Variants in NAV1 observed in about 807,000 individuals in gnomAD.
NAV1 encodes the protein pore membrane and/or filament interacting like protein 3.
A neutral mutation model predicts 175.2 loss-of-function variants in NAV1; 18 were observed. The ratio of observed to expected loss-of-function variants is 0.10; its 90% CI spans 0.07 to 0.15. NAV1 has a LOEUF of 0.15. Among genes scored for constraint, NAV1 ranks in the 10% least tolerant of loss-of-function variants. The pLI, the probability that NAV1 is intolerant of heterozygous loss-of-function variation, is 1.00. For synonymous variants in NAV1, 897 were observed against 978.7 expected, an observed-to-expected ratio of 0.92 and a Z score of 1.56; for missense variants, 1,731 against 2,436.6, an observed-to-expected ratio of 0.71 and a Z score of 6.10.
intron 1 of NAV1, among the ~76,000 whole-genome samples, chr1:201,549,539 G>A (rs1362322619): frequency 1.3e-5 from 2 of 152,204 alleles, no homozygotes; most frequent in Admixed American, 6.5e-5. Flanking sequence ...GAGGTGAGCA[G>A]GACAAAAGGC....
At chr1:201,615,715 T>A (rs569251241) in intron 2 of NAV1, among the ~76,000 whole-genome samples, 2 of 152,248 alleles carry the variant, frequency 1.3e-5, no homozygotes, top group Non-Finnish European at 2.9e-5. Flanking sequence ...TAAAGCCACA[T>A]AGCAGGAAGT....
intron 3 of NAV1, among the ~76,000 whole-genome samples, chr1:201,744,016 C>A (rs1006568086): frequency 2.6e-5 from 4 of 152,126 alleles, no homozygotes; most frequent in African/African-American, 9.7e-5. Flanking sequence ...TCCCGAGTAG[C>A]TGGGATTGCA....
chr1:201,826,145 C>G (rs1373547619), exon 30 of NAV1: 1 of 152,172 alleles, frequency 6.6e-6, no homozygotes, highest in Non-Finnish European at 1.5e-5. Context: ...AGTAACAGGT[C>G]TCCTGCGCCC....
chr1:201,816,901 T>C (rs543236576), intron 28 of NAV1, 187 bp from the exon 33 acceptor site: 26 of 590,474 alleles, frequency 4.4e-5, no homozygotes, highest in Non-Finnish European at 6.6e-5. Flanking sequence ...CTTGAACTTC[T>C]GACCTCAAGT....
chr1:201,811,385 A>G (rs899665300), intron 24 of NAV1, among the ~76,000 whole-genome samples: 1 of 152,046 alleles, frequency 6.6e-6, no homozygotes, highest in African/African-American at 2.4e-5. Flanking sequence ...ATGTTCCCCA[A>G]CTTTGGGGAA....
Position 201,812,559 on chromosome 1 carries a change from G to C in NAV1, c.5119G>C (p.Ala1707Pro). ...GGTAGAGTCAGACAGCGACATCAAT[G>C]CCAACAAGGAAGAGCTGCTTCGGGT... Residue 1707 changes from alanine (A) to proline (P), a missense_variant, in exon 27 of 30, where the codon GCC becomes CCC. Ala to Pro is a conservative substitution (Grantham distance 27). Around this residue, in one of 13 missense-constraint regions of NAV1, gnomAD observed 115 missense variants for 269.4 expected, o/e 0.43. Transcript: ENST00000367296. This position sits in a 1 kb window ranked among gnomAD's most constrained non-coding sequence, Gnocchi z 4.6. 1 of 1,614,176 alleles carries C rather than the reference G, an allele frequency of 6.2e-7. No individual in the cohort carries two copies. Among genetic ancestry groups the C allele is most frequent in the Non-Finnish European group, 8.5e-7 (1 of 1,180,026 alleles).
intron 3 of NAV1, among the ~76,000 whole-genome samples, chr1:201,754,362 C>T (rs969360201): frequency 6.6e-6 from 1 of 152,116 alleles, no homozygotes; most frequent in Non-Finnish European, 1.5e-5. Context: ...TAAGCAGGAA[C>T]AGAAAGAGAA....
At chr1:201,557,672 C>G (rs1666069945) in intron 1 of NAV1, among the ~76,000 whole-genome samples, 2 of 152,240 alleles carry the variant, frequency 1.3e-5, no homozygotes, top group Admixed American at 1.3e-4. Context: ...TTGCCCACAC[C>G]ACTTAGGCTA....
chr1:201,643,307 T>TTTTCTTTC (rs371103162), upstream of NAV1, among the ~76,000 whole-genome samples: 1 of 147,620 alleles, frequency 6.8e-6, no homozygotes, highest in African/African-American at 2.5e-5. Flanking sequence ...TTCTCTTTCT[T>TTTTCTTTC]TTTCTTTCTT....
intron 3 of NAV1, among the ~76,000 whole-genome samples, chr1:201,732,120 T>C (rs1478850913): frequency 2.0e-5 from 3 of 151,814 alleles, no homozygotes; most frequent in Non-Finnish European, 4.4e-5. Context: ...TTTTTTTTTT[T>C]CTTCCCCTGA....
intron 1 of NAV1, among the ~76,000 whole-genome samples, chr1:201,672,088 C>G (rs556296994): frequency 1.1e-4 from 16 of 152,186 alleles, no homozygotes; most frequent in Non-Finnish European, 1.9e-4. Flanking sequence ...CAAGAACTCA[C>G]TCACACTGAG....
chr1:201,802,124 G>T (rs1227155641), intron 15 of NAV1, among the ~76,000 whole-genome samples: 1 of 52,358 alleles, frequency 1.9e-5, no homozygotes, highest in Non-Finnish European at 5.7e-5. Context: ...GCGACAGAGC[G>T]AGACTCCGTC....
At chr1:201,556,395 G>A (rs1328558614) in intron 1 of NAV1, among the ~76,000 whole-genome samples, 4 of 151,766 alleles carry the variant, frequency 2.6e-5, no homozygotes, top group Non-Finnish European at 5.9e-5. Context: ...TCCAGCCTGG[G>A]GGACAGAGGA....
At chr1:201,552,743 C>G (rs1252738294) in intron 1 of NAV1, among the ~76,000 whole-genome samples, 1 of 152,146 alleles carries the variant, frequency 6.6e-6, no homozygotes, top group Non-Finnish European at 1.5e-5. Context: ...TAAAATAAAT[C>G]CTTGATCCAC....
chr1:201,819,310 A>G (rs142120434), intron 29 of NAV1, among the ~76,000 whole-genome samples: 3 of 152,280 alleles, frequency 2.0e-5, no homozygotes, highest in Non-Finnish European at 2.9e-5. Flanking sequence ...TGTCCCTTGT[A>G]TAGCAGGCAT....
At chr1:201,563,401 AACTGGGCCCAGAGAAAAGCAT>A (rs1666260209) in intron 1 of NAV1, among the ~76,000 whole-genome samples, 1 of 151,656 alleles carries the variant, frequency 6.6e-6, no homozygotes, top group Admixed American at 6.6e-5. Flanking sequence ...GAGATGTTGG[AACTGGGCCCAGAGAAAAGCAT>A]ACGAGACCAC....
At chr1:201,675,372 C>T (rs548348169) in intron 1 of NAV1, among the ~76,000 whole-genome samples, 7 of 152,326 alleles carry the variant, frequency 4.6e-5, no homozygotes, top group African/African-American at 1.7e-4. Context: ...CCATGCTTAT[C>T]GTCTCCTTTC....
At chr1:201,549,081 TTCTTTC>T (rs1289497469) in intron 1 of NAV1, among the ~76,000 whole-genome samples, 2 of 25,260 alleles carry the variant, frequency 7.9e-5, no homozygotes, top group East Asian at 1.8e-3. Context: ...AGTTTTCTCT[TTCTTTC>T]TTTCTTTCTT....
chr1:201,819,878 T>C, exon 30 of NAV1: 1 of 1,614,156 alleles, frequency 6.2e-7, no homozygotes. Context: ...CCAACTACAT[T>C]GAGTCTCCAG....
Sources: allele counts gnomAD v4.1 joint callset (sites outside exome capture counted in the v4.1 genomes callset), GRCh38; gene constraint gnomAD v4.1.1; regional missense constraint gnomAD v4.1.1; non-coding constraint Gnocchi (gnomAD v3.1); transcripts MANE v1.5; gene names NCBI Gene and HGNC (gene_info 2026-07-23, HGNC 2026-07-21).